SPAG16: variants seen among roughly 807,000 people sequenced by gnomAD.
SPAG16 encodes the protein sperm associated antigen 16.
In SPAG16, 86 loss-of-function variants were observed where a neutral mutation model predicts 80.4. The ratio of observed to expected loss-of-function variants is 1.07; its 90% CI spans 0.90 to 1.28. SPAG16 has a LOEUF of 1.28. SPAG16 is among the 50% of genes most tolerant of loss of function. The pLI is 0.00. For missense variants in SPAG16, 870 were observed against 765.3 expected (o/e 1.14, Z -1.61); for synonymous variants, 294 against 265.9 (o/e 1.11, Z -1.03).
rs185932254 is a variant in SPAG16 at position 214,295,013 on chromosome 2, C to T, written c.1721-115127C>T. ...CCTGTATGAGCACTTGCTCTAGCCA[C>T]GGTCACAGTGCCATCTGTCTAGGGT... On this transcript the variant is annotated intron_variant, in intron 15 of 15. Transcript: ENST00000331683. Among the ~76,000 whole-genome samples, 47 of 152,324 alleles carry T rather than the reference C, an allele frequency of 3.1e-4. 2 individuals are homozygous for T. Among genetic ancestry groups the T allele is most frequent in the Admixed American group, 2.0e-3 (30 of 15,302 alleles).
At chr2:214,278,182 T>C (rs1256775566) in intron 15 of SPAG16, among the ~76,000 whole-genome samples, 1 of 152,132 alleles carries the variant, frequency 6.6e-6, no homozygotes, top group Non-Finnish European at 1.5e-5. Flanking sequence ...AAGCACAGTA[T>C]TTAGGCGGGA....
intron 12 of SPAG16, among the ~76,000 whole-genome samples, chr2:214,012,989 A>G (rs2047391363): frequency 6.6e-6 from 1 of 152,152 alleles, no homozygotes; most frequent in Admixed American, 6.5e-5. Flanking sequence ...TGCATTTCAG[A>G]CACGTTTCCA....
intron 10 of SPAG16, among the ~76,000 whole-genome samples, chr2:213,782,400 T>A (rs2070050532): frequency 6.6e-6 from 1 of 152,094 alleles, no homozygotes; most frequent in South Asian, 2.1e-4. Context: ...GGAAGAGCAT[T>A]TAAGAAGAAT....
intron 15 of SPAG16, among the ~76,000 whole-genome samples, chr2:214,268,542 A>C (rs1293048928): frequency 2.0e-4 from 31 of 151,956 alleles, no homozygotes; most frequent in Admixed American, 2.0e-3. Context: ...GAAATATCTA[A>C]TGGCATTTTA....
intron 10 of SPAG16, among the ~76,000 whole-genome samples, chr2:213,609,979 T>A (rs954671627): frequency 2.0e-5 from 3 of 152,116 alleles, no homozygotes; most frequent in African/African-American, 7.2e-5. Flanking sequence ...TCAGGCCAGG[T>A]CATGGTTGGC....
chr2:213,893,838 A>T (rs1001017505), intron 11 of SPAG16, among the ~76,000 whole-genome samples: 1 of 152,136 alleles, frequency 6.6e-6, no homozygotes, highest in African/African-American at 2.4e-5. Context: ...GAAAGAAAGG[A>T]AGAGATGAAT....
chr2:213,301,718 G>A (rs1021035227), intron 3 of SPAG16, among the ~76,000 whole-genome samples: 5 of 152,020 alleles, frequency 3.3e-5, no homozygotes, highest in East Asian at 3.9e-4. Flanking sequence ...TCCCCTCTAC[G>A]TAAATTCCCA....
chr2:213,633,401 T>G (rs1162144869), intron 10 of SPAG16, among the ~76,000 whole-genome samples: 2 of 152,188 alleles, frequency 1.3e-5, no homozygotes, highest in African/African-American at 2.4e-5. Context: ...TTGATATTAT[T>G]TCAATTTTTT....
At chr2:214,092,939 G>A (rs1367951966) in intron 13 of SPAG16, among the ~76,000 whole-genome samples, 2 of 152,104 alleles carry the variant, frequency 1.3e-5, no homozygotes, top group Non-Finnish European at 2.9e-5. Context: ...TATGGCAGCA[G>A]CTAAATCAAT....
intron 10 of SPAG16, among the ~76,000 whole-genome samples, chr2:213,840,670 G>A (rs561794971): frequency 6.6e-6 from 1 of 152,242 alleles, no homozygotes; most frequent in South Asian, 2.1e-4. Context: ...GGGCTTCTTG[G>A]AAGAGGTCAT....
intron 10 of SPAG16, among the ~76,000 whole-genome samples, chr2:213,776,121 A>T (rs542371222): frequency 2.0e-5 from 3 of 152,220 alleles, no homozygotes; most frequent in Admixed American, 6.5e-5. Flanking sequence ...CATCCCAATC[A>T]TTGGGATTTA....
At chr2:214,254,474 T>C (rs553434460) in intron 15 of SPAG16, among the ~76,000 whole-genome samples, 7 of 152,262 alleles carry the variant, frequency 4.6e-5, no homozygotes, top group African/African-American at 1.7e-4. Context: ...ATACCTAGTT[T>C]ATTGAGAGTT....
At chr2:214,195,313 A>ATAGATAGATAGATAGATAGG (rs1484172654) in intron 15 of SPAG16, among the ~76,000 whole-genome samples, 1 of 151,684 alleles carries the variant, frequency 6.6e-6, no homozygotes, top group Non-Finnish European at 1.5e-5. Context: ...TGATAGATAG[A>ATAGATAGATAGATAGATAGG]TAGATAGATA....
chr2:213,586,553 C>T (rs1256694567), intron 10 of SPAG16, among the ~76,000 whole-genome samples: 2 of 152,212 alleles, frequency 1.3e-5, no homozygotes, highest in African/African-American at 2.4e-5. Context: ...AATTCATGTT[C>T]TTCTTACATG....
intron 10 of SPAG16, 149 bp from the exon 11 acceptor site, chr2:213,862,336 A>T: frequency 1.1e-6 from 1 of 906,166 alleles, no homozygotes. Context: ...GCAGGGATGC[A>T]GAACCTGCTT....
chr2:214,200,595 C>G (rs2057981824), intron 15 of SPAG16, among the ~76,000 whole-genome samples: 1 of 151,948 alleles, frequency 6.6e-6, no homozygotes, highest in Non-Finnish European at 1.5e-5. Flanking sequence ...ATTGCTTGAG[C>G]CCAGGAGGCA....
chr2:214,093,018 G>A (rs967321368), intron 13 of SPAG16, among the ~76,000 whole-genome samples: 4 of 152,014 alleles, frequency 2.6e-5, no homozygotes, highest in Non-Finnish European at 5.9e-5. Flanking sequence ...CAGCACCTGA[G>A]GAGCACCTCA....
intron 11 of SPAG16, among the ~76,000 whole-genome samples, chr2:213,867,529 A>G (rs566145728): frequency 6.6e-6 from 1 of 152,192 alleles, no homozygotes; most frequent in Admixed American, 6.5e-5. Flanking sequence ...GACTAGTGTT[A>G]TAATATCTGA....
intron 10 of SPAG16, among the ~76,000 whole-genome samples, chr2:213,699,070 G>T (rs1332846416): frequency 6.6e-6 from 1 of 152,016 alleles, no homozygotes; most frequent in Admixed American, 6.6e-5. Context: ...CATTGCTGTT[G>T]TTGTAGTAGT....
Sources: allele counts gnomAD v4.1 joint callset (sites outside exome capture counted in the v4.1 genomes callset), GRCh38; gene constraint gnomAD v4.1.1; transcripts MANE v1.5; gene names NCBI Gene and HGNC (gene_info 2026-07-23, HGNC 2026-07-21).